VSX2: variants seen among roughly 807,000 people sequenced by gnomAD.
The protein encoded by VSX2 is visual system homeobox 2.
VSX2 carries 28 observed loss-of-function variants against 32.1 expected under a neutral mutation model. That is an observed-to-expected ratio of 0.87 (90% CI 0.65 to 1.20). VSX2 has a LOEUF of 1.20. Ranked by LOEUF, VSX2 falls within the 50% of genes most tolerant of loss-of-function variation. The pLI, the probability that VSX2 is intolerant of heterozygous loss-of-function variation, is 0.00. For missense variants in VSX2, 506 were observed against 488.7 expected (o/e 1.04, Z -0.33); for synonymous variants, 243 against 214.1 (o/e 1.14, Z -1.18).
rs12587547 is a variant in VSX2, at chr14:74,244,981, T to A, written c.456-184T>A. On this transcript the variant is annotated intron_variant, in intron 2 of 4. Coordinates refer to ENST00000261980, the MANE Select transcript of VSX2 (RefSeq NM_182894.3). ...GTGTGTGTGTGTGTGTGTGTGTGTG[T>A]GAGAGAGAGAGAGAGAGAGAGAGAG... Among the ~76,000 whole-genome samples, 3,303 of 37,404 alleles carry A rather than the reference T, an allele frequency of 0.088. 380 individuals carry two copies. The highest frequency in any genetic ancestry group is 0.22 in the African/African-American group (2,577 of 11,732). The allele number at this position is 37,404 out of a possible 152,430, so 24.5% of individuals were successfully genotyped here.
chr14:74,247,468 G>C (rs1005259274), intron 3 of VSX2, among the ~76,000 whole-genome samples: 13 of 152,188 alleles, frequency 8.5e-5, no homozygotes, highest in African/African-American at 3.1e-4. Flanking sequence ...GCAGCATTCA[G>C]GGCAGTGCCT....
intron 3 of VSX2, among the ~76,000 whole-genome samples, chr14:74,249,664 A>C (rs1385717469): frequency 6.6e-6 from 1 of 152,202 alleles, no homozygotes; most frequent in Admixed American, 6.5e-5. Flanking sequence ...TGAGAGGTAA[A>C]GTAAGACTGG....
chr14:74,260,083 C>T (rs1453291875), intron 4 of VSX2, among the ~76,000 whole-genome samples: 1 of 152,142 alleles, frequency 6.6e-6, no homozygotes, highest in Admixed American at 6.5e-5. Flanking sequence ...ACCCTCCTCT[C>T]CCCTTGGCCA....
intron 2 of VSX2, among the ~76,000 whole-genome samples, chr14:74,244,080 A>C (rs1426547809): frequency 6.6e-6 from 1 of 152,174 alleles, no homozygotes; most frequent in Non-Finnish European, 1.5e-5. Context: ...TTGTGTCTGG[A>C]AGTAGGTGTT....
At chr14:74,257,937 C>T (rs1033253974) in intron 3 of VSX2, among the ~76,000 whole-genome samples, 5 of 152,128 alleles carry the variant, frequency 3.3e-5, no homozygotes, top group African/African-American at 4.8e-5. Context: ...TTTTAATGTG[C>T]TAACGACCTA....
chr14:74,240,450 G>A (rs886398363), intron 1 of VSX2, among the ~76,000 whole-genome samples: 6 of 152,108 alleles, frequency 3.9e-5, no homozygotes, highest in Non-Finnish European at 8.8e-5. Flanking sequence ...CGGCCATCGC[G>A]GCAGCTAAAG....
At chr14:74,241,146 C>T (rs182745888) in intron 1 of VSX2, 36 bp from the exon 2 acceptor site, 20 of 1,605,344 alleles carry the variant, frequency 1.2e-5, no homozygotes, top group Non-Finnish European at 1.5e-5. Flanking sequence ...GAGCGCGTCC[C>T]CCACTCTGCC....
At chr14:74,241,149 A>T (rs187370852) in intron 1 of VSX2, 33 bp from the exon 2 acceptor site, 3 of 1,607,466 alleles carry the variant, frequency 1.9e-6, no homozygotes, top group Non-Finnish European at 1.7e-6. Flanking sequence ...CGCGTCCCCC[A>T]CTCTGCCGCA....
Position 74,261,030 on chromosome 14 carries a change from C to T in VSX2, c.*111C>T. 1 of 1,306,286 alleles carries T rather than the reference C, an allele frequency of 7.7e-7. No individual in the cohort carries two copies. The highest frequency in any genetic ancestry group is 1.1e-6 in the Non-Finnish European group (1 of 940,768). 80.9% of individuals were successfully genotyped at this position (1,306,286 alleles called of 1,614,324 possible). A position where few individuals can be genotyped will look rare whatever the true frequency, so the allele number is the denominator to read the frequency against. On this transcript the variant is annotated 3_prime_UTR_variant, in exon 5 of 5. Coordinates refer to ENST00000261980, the MANE Select transcript of VSX2 (RefSeq NM_182894.3). Reference sequence around the variant, plus strand: ...CCAGACCTGGCCTCTGCCATCCTCCCTGTTCCCCACAGGTCCTCCATCACC... The same window carrying T: ...CCAGACCTGGCCTCTGCCATCCTCCTTGTTCCCCACAGGTCCTCCATCACC...
chr14:74,242,061 C>T (rs2079153761), intron 2 of VSX2, among the ~76,000 whole-genome samples: 2 of 150,936 alleles, frequency 1.3e-5, no homozygotes, highest in Admixed American at 6.6e-5. Flanking sequence ...TCTCCCACCC[C>T]CGCCCTCATT....
At chr14:74,247,783 G>A (rs2079202002) in intron 3 of VSX2, among the ~76,000 whole-genome samples, 1 of 146,540 alleles carries the variant, frequency 6.8e-6, no homozygotes, top group South Asian at 2.2e-4. Context: ...AATGTTTATT[G>A]AGTACCAGGC....
At position 74,261,237 on chromosome 14, in the gene VSX2, G is replaced by A. The variant is rs184078751; in HGVS notation, c.*318G>A. On this transcript the variant is annotated 3_prime_UTR_variant, in exon 5 of 5. Transcript: ENST00000261980. Reference sequence around the variant, plus strand: ...TGGTTTTGGCCACCCCTTGCTCTCTGTTCTCTTGCTTTAAAGAGTCCTCCT... The same window carrying A: ...TGGTTTTGGCCACCCCTTGCTCTCTATTCTCTTGCTTTAAAGAGTCCTCCT... 6 of 403,054 alleles carry A rather than the reference G, an allele frequency of 1.5e-5. No homozygotes were observed. The highest frequency in any genetic ancestry group is 1.2e-4 in the African/African-American group (6 of 50,656). The allele number at this position is 403,054 out of a possible 1,614,324, so 25.0% of individuals were successfully genotyped here. A position where few individuals can be genotyped will look rare whatever the true frequency, so the allele number is the denominator to read the frequency against.
chr14:74,242,912 G>A (rs190341713), intron 2 of VSX2, among the ~76,000 whole-genome samples: 1 of 152,110 alleles, frequency 6.6e-6, no homozygotes, highest in South Asian at 2.1e-4. Flanking sequence ...CTTAGTGACC[G>A]TCTGTTTTCA....
At chr14:74,244,986 GAGAGAGAGAGAGAGAGAGAGAC>G (rs1195296600) in intron 2 of VSX2, among the ~76,000 whole-genome samples, 157 bp from the exon 3 acceptor site, 109 of 59,382 alleles carry the variant, frequency 1.8e-3, no homozygotes, top group East Asian at 3.9e-3. Flanking sequence ...GTGTGTGAGA[GAGAGAGAGAGAGAGAGAGAGAC>G]AGAGAGAGAG....
Position 74,260,984 on chromosome 14 carries a change from A to T in VSX2, c.*65A>T. The T allele has an allele frequency of 6.5e-7, 1 of 1,531,376 alleles. No homozygotes were observed. 94.9% of individuals were successfully genotyped at this position (1,531,376 alleles called of 1,614,324 possible). A position where few individuals can be genotyped will look rare whatever the true frequency, so the allele number is the denominator to read the frequency against. On this transcript the variant is annotated 3_prime_UTR_variant, in exon 5 of 5. Coordinates refer to ENST00000261980, the MANE Select transcript of VSX2 (RefSeq NM_182894.3). Reference sequence around the variant, plus strand: ...TCTCCTCGGGCCCTGTGGTGCTGGGAGATGCTCTCTGAGGCAAGGCCCAGA... The same window carrying T: ...TCTCCTCGGGCCCTGTGGTGCTGGGTGATGCTCTCTGAGGCAAGGCCCAGA...
chr14:74,252,604 T>A (rs1594756720), intron 3 of VSX2, among the ~76,000 whole-genome samples: 1 of 151,774 alleles, frequency 6.6e-6, no homozygotes, highest in Non-Finnish European at 1.5e-5. Flanking sequence ...TTGGCCAGGG[T>A]GGTCTCGATA....
rs1284411032 is a variant in VSX2 at position 74,244,921 on chromosome 14, T to TGAGA, written c.456-243_456-242insAGAG. Among the ~76,000 whole-genome samples, 49 of 36,970 alleles carry TGAGA rather than the reference T, an allele frequency of 1.3e-3. 2 individuals carry two copies. The highest frequency in any genetic ancestry group is 4.7e-3 in the Admixed American group (15 of 3,196). The allele number at this position is 36,970 out of a possible 152,430, so 24.3% of individuals were successfully genotyped here. ...GTGTGTGTGTGTGTGTGTGTGTGTG[T>TGAGA]GTGTGTGTGAAAGAGAGAGAGAAAG... On this transcript the variant is annotated intron_variant, in intron 2 of 4. Coordinates refer to ENST00000261980, the MANE Select transcript of VSX2 (RefSeq NM_182894.3).
At chr14:74,243,316 A>C (rs966913005) in intron 2 of VSX2, among the ~76,000 whole-genome samples, 1 of 152,156 alleles carries the variant, frequency 6.6e-6, no homozygotes, top group Non-Finnish European at 1.5e-5. Context: ...TCCTCTTCAG[A>C]CTGGACACAA....
intron 3 of VSX2, among the ~76,000 whole-genome samples, chr14:74,257,249 A>T (rs1397882556): frequency 6.6e-6 from 1 of 152,198 alleles, no homozygotes; most frequent in Non-Finnish European, 1.5e-5. Context: ...GGCAGGGAGG[A>T]CAGTCATCTA....
Sources: gnomAD v4.1 joint callset for allele counts (sites outside exome capture counted in the v4.1 genomes callset) on GRCh38, gnomAD v4.1.1 for gene constraint, MANE v1.5 for transcripts, NCBI Gene and HGNC (gene_info 2026-07-23, HGNC 2026-07-21) for gene names.